Variants in MAST4 observed in about 807,000 individuals in gnomAD.
MAST4 encodes the protein microtubule associated serine/threonine kinase family member 4, also known as microtubule-associated serine/threonine-protein kinase 4.
MAST4 carries 89 observed loss-of-function variants against 162.7 expected under a neutral mutation model. The observed-to-expected ratio is 0.55, with a 90% CI of 0.46 to 0.65. The LOEUF (loss-of-function observed/expected upper bound fraction) is 0.65, where lower values mean the gene tolerates loss of function less well. Among genes scored for constraint, MAST4 ranks in the 30% least tolerant of loss-of-function variants. The probability of loss-of-function intolerance (pLI) is 0.00; values close to 1 mark genes in which losing one functional copy is unlikely to be tolerated. For missense variants in MAST4, 3,153 were observed against 3,374.0 expected (o/e 0.93, Z 1.62); for synonymous variants, 1,479 against 1,361.1 (o/e 1.09, Z -1.91).
At chr5:66,627,152 C>A (rs925560666) in intron 1 of MAST4, among the ~76,000 whole-genome samples, 1 of 152,120 alleles carries the variant, frequency 6.6e-6, no homozygotes, top group Non-Finnish European at 1.5e-5. Context: ...GAAGGGGAAG[C>A]AAACATGTCC....
At chr5:66,650,839 G>T (rs1344323564) in intron 1 of MAST4, among the ~76,000 whole-genome samples, 1 of 152,180 alleles carries the variant, frequency 6.6e-6, no homozygotes, top group Non-Finnish European at 1.5e-5. Flanking sequence ...AATACATGTG[G>T]TAAAACCTAG....
At chr5:66,930,182 T>C (rs1742028696) in intron 4 of MAST4, among the ~76,000 whole-genome samples, 1 of 152,232 alleles carries the variant, frequency 6.6e-6, no homozygotes, top group East Asian at 1.9e-4. Context: ...CGACTGAAAC[T>C]GTGCCCCCTT....
intron 4 of MAST4, among the ~76,000 whole-genome samples, chr5:67,022,290 T>C (rs1204832734): frequency 6.6e-6 from 1 of 152,162 alleles, no homozygotes; most frequent in East Asian, 1.9e-4. Context: ...TGTTTATGAA[T>C]CTTAATACAT....
At chr5:67,051,376 G>T (rs1340979757) in intron 4 of MAST4, among the ~76,000 whole-genome samples, 5 of 152,112 alleles carry the variant, frequency 3.3e-5, no homozygotes, top group African/African-American at 1.2e-4. Context: ...GGGCAGGAAA[G>T]TGTGTGATAC....
At chr5:66,917,095 C>A (rs1177433943) in intron 4 of MAST4, 3 of 713,066 alleles carry the variant, frequency 4.2e-6, no homozygotes, top group Non-Finnish European at 7.8e-6. Flanking sequence ...TAAGAATGCC[C>A]ATTTTCTACA....
At chr5:67,059,703 A>G (rs79221499) in intron 5 of MAST4, among the ~76,000 whole-genome samples, 2,459 of 152,312 alleles carry the variant, frequency 0.016, 45 homozygotes, top group African/African-American at 0.044. Context: ...TATTTTTAAA[A>G]GGGTTTCTGT....
At chr5:66,990,395 G>T (rs1749947307) in intron 4 of MAST4, among the ~76,000 whole-genome samples, 1 of 152,138 alleles carries the variant, frequency 6.6e-6, no homozygotes, top group African/African-American at 2.4e-5. Context: ...TAACACTTTG[G>T]GAGGCTGAGG....
At chr5:66,986,946 A>C (rs955182507) in intron 4 of MAST4, among the ~76,000 whole-genome samples, 1 of 152,174 alleles carries the variant, frequency 6.6e-6, no homozygotes, top group African/African-American at 2.4e-5. Context: ...ACAAATATGC[A>C]TGTACATGTG....
intron 3 of MAST4, among the ~76,000 whole-genome samples, chr5:66,813,894 A>G (rs1756591525): frequency 1.3e-5 from 2 of 152,344 alleles, no homozygotes; most frequent in South Asian, 2.1e-4. Context: ...GCACTCTTAC[A>G]TTGCTTTCAG....
intron 4 of MAST4, among the ~76,000 whole-genome samples, chr5:67,018,002 C>T (rs1264019110): frequency 6.6e-6 from 1 of 152,156 alleles, no homozygotes; most frequent in South Asian, 2.1e-4. Context: ...TCCTATTTTA[C>T]AACTAAGCTT....
intron 2 of MAST4, 63 bp from the exon 3 acceptor site, chr5:66,788,607 C>CCCACCAAA: frequency 7.3e-7 from 1 of 1,373,718 alleles, no homozygotes; most frequent in Non-Finnish European, 1.0e-6. Flanking sequence ...CCCCCACCCC[C>CCCACCAAA]ATTGCAATAA....
intron 1 of MAST4, among the ~76,000 whole-genome samples, chr5:66,643,443 A>G (rs1013762379): frequency 6.3e-5 from 5 of 79,988 alleles, no homozygotes; most frequent in South Asian, 1.1e-3. Flanking sequence ...TGTAAGTTCA[A>G]GGTAGCAAAA....
At chr5:66,991,322 C>A (rs1750044907) in intron 4 of MAST4, among the ~76,000 whole-genome samples, 1 of 152,116 alleles carries the variant, frequency 6.6e-6, no homozygotes, top group Admixed American at 6.5e-5. Flanking sequence ...GAAAATTGCC[C>A]TTGTTTGGAT....
At chr5:66,625,168 A>C (rs372590307) in intron 1 of MAST4, among the ~76,000 whole-genome samples, 2 of 152,102 alleles carry the variant, frequency 1.3e-5, no homozygotes, top group East Asian at 1.9e-4. Context: ...CCTTTCCTTC[A>C]TGTGTGCGTG....
intron 4 of MAST4, among the ~76,000 whole-genome samples, chr5:66,973,146 C>A (rs943000138): frequency 6.6e-6 from 1 of 152,108 alleles, no homozygotes; most frequent in Non-Finnish European, 1.5e-5. Context: ...AGGCACTTCA[C>A]CCCTAAATAC....
At chr5:67,005,201 G>C in intron 4 of MAST4, 1 of 687,346 alleles carries the variant, frequency 1.5e-6, no homozygotes, top group East Asian at 2.7e-5. Context: ...GTGACACTTT[G>C]AAAAGTTTAT....
At chr5:67,153,159 T>G (rs1159932477) in intron 25 of MAST4, among the ~76,000 whole-genome samples, 1 of 152,258 alleles carries the variant, frequency 6.6e-6, no homozygotes, top group African/African-American at 2.4e-5. Context: ...TTTATCATTT[T>G]TTCCTAGCCT....
intron 4 of MAST4, chr5:67,002,086 C>A (rs1358877075): frequency 1.3e-5 from 2 of 151,922 alleles, no homozygotes; most frequent in Non-Finnish European, 2.9e-5. Flanking sequence ...TCTGGGCTTG[C>A]CTTTGAGGAG....
intron 1 of MAST4, among the ~76,000 whole-genome samples, chr5:66,668,509 G>C (rs184279407): frequency 6.6e-6 from 1 of 152,134 alleles, no homozygotes; most frequent in African/African-American, 2.4e-5. Flanking sequence ...ATGCTGAATC[G>C]GGGGTATGTT....
Sources: allele counts gnomAD v4.1 joint callset (sites outside exome capture counted in the v4.1 genomes callset), GRCh38; gene constraint gnomAD v4.1.1; transcripts MANE v1.5; gene names NCBI Gene and HGNC (gene_info 2026-07-23, HGNC 2026-07-21).